LNPK: variants seen among roughly 807,000 people sequenced by gnomAD.
The protein encoded by LNPK is lunapark, ER junction formation factor.
A neutral mutation model predicts 55.2 loss-of-function variants in LNPK; 29 were observed. The ratio of observed to expected loss-of-function variants is 0.53; its 90% CI spans 0.39 to 0.72. The LOEUF (loss-of-function observed/expected upper bound fraction) is 0.72. Among genes scored for constraint, LNPK ranks in the 30% least tolerant of loss-of-function variants. The pLI, the probability that LNPK is intolerant of heterozygous loss-of-function variation, is 0.00. For missense variants in LNPK, 467 were observed against 494.8 expected (o/e 0.94, Z 0.53); for synonymous variants, 162 against 168.2 (o/e 0.96, Z 0.29).
upstream of LNPK, chr2:176,002,766 A>G (rs1400020187): frequency 6.5e-6 from 1 of 152,702 alleles, no homozygotes; most frequent in Admixed American, 6.6e-5. Context: ...CCAGTTCCCA[A>G]CCAAGCCAGT....
At chr2:175,932,699 G>A (rs767679853) in intron 12 of LNPK, among the ~76,000 whole-genome samples, 2 of 152,044 alleles carry the variant, frequency 1.3e-5, no homozygotes, top group South Asian at 2.1e-4. Flanking sequence ...GATTAACAGA[G>A]AATTACATAT....
At chr2:175,949,368 C>T (rs1685294985) in intron 8 of LNPK, among the ~76,000 whole-genome samples, 2 of 152,022 alleles carry the variant, frequency 1.3e-5, no homozygotes, top group Admixed American at 1.3e-4. Context: ...GCAAAAGGTA[C>T]TGAAATCAAT....
chr2:175,936,047 C>T (rs1173610452), intron 12 of LNPK, among the ~76,000 whole-genome samples: 3 of 152,030 alleles, frequency 2.0e-5, no homozygotes, highest in Non-Finnish European at 2.9e-5. Context: ...ATTTTCAGTT[C>T]CAAAAGGCTG....
intron 4 of LNPK, among the ~76,000 whole-genome samples, chr2:175,983,950 T>G (rs1304844435): frequency 2.0e-5 from 3 of 150,780 alleles, no homozygotes; most frequent in African/African-American, 7.3e-5. Context: ...AAAAAAAATT[T>G]AAGGTATAGA....
chr2:175,934,786 A>G (rs1356266375), intron 12 of LNPK, among the ~76,000 whole-genome samples: 1 of 151,712 alleles, frequency 6.6e-6, no homozygotes, highest in Non-Finnish European at 1.5e-5. Flanking sequence ...GTATGCCCTC[A>G]AGCAAAAAGA....
intron 9 of LNPK, among the ~76,000 whole-genome samples, chr2:175,941,372 C>T (rs1300411421): frequency 6.6e-6 from 1 of 151,400 alleles, no homozygotes; most frequent in African/African-American, 2.4e-5. Context: ...TTAAATAATG[C>T]ATATTTTCCA....
At chr2:175,931,225 T>G (rs2105510482) in intron 12 of LNPK, among the ~76,000 whole-genome samples, 1 of 152,298 alleles carries the variant, frequency 6.6e-6, no homozygotes, top group Non-Finnish European at 1.5e-5. Context: ...TCATAGATGA[T>G]TTCTTACGAT....
At chr2:175,944,423 T>C (rs1685019072) in intron 9 of LNPK, among the ~76,000 whole-genome samples, 2 of 151,476 alleles carry the variant, frequency 1.3e-5, no homozygotes, top group South Asian at 4.2e-4. Flanking sequence ...AAATAAAGAG[T>C]TACACATTCA....
Position 175,929,348 on chromosome 2 carries a change from T to C in LNPK, c.*619A>G, listed in dbSNP as rs1684155010. On this transcript the variant is annotated 3_prime_UTR_variant, in exon 13 of 13. Transcript: ENST00000272748. ...CAAAAAGAAACACTGCAGTTGACTGTTTCATTGCATTCTCACTGAGAATTC... is the reference window on the plus strand; with the variant it reads ...CAAAAAGAAACACTGCAGTTGACTGCTTCATTGCATTCTCACTGAGAATTC... 1.0e-6 allele frequency: 1 copy of C among 985,800 alleles called. No individual in the cohort carries two copies. The highest frequency in any genetic ancestry group is 1.2e-6 in the Non-Finnish European group (1 of 829,894). The allele number at this position is 985,800 out of a possible 1,614,324, so 61.1% of individuals were successfully genotyped here.
chr2:175,954,316 C>A (rs946692042), intron 8 of LNPK, among the ~76,000 whole-genome samples: 2 of 152,108 alleles, frequency 1.3e-5, no homozygotes, highest in African/African-American at 4.8e-5. Context: ...GCCTGCTACC[C>A]AACTTATTTA....
intron 8 of LNPK, among the ~76,000 whole-genome samples, chr2:175,963,099 T>C (rs1366892760): frequency 2.7e-5 from 4 of 147,358 alleles, no homozygotes; most frequent in Admixed American, 2.7e-4. Flanking sequence ...ACTTTTACAC[T>C]GTTGGTGGGA....
At chr2:175,933,721 CAAGTT>C (rs1312856141) in intron 12 of LNPK, among the ~76,000 whole-genome samples, 4 of 138,646 alleles carry the variant, frequency 2.9e-5, no homozygotes, top group African/African-American at 5.2e-5. Flanking sequence ...ATCAATTAGA[CAAGTT>C]AAGGGTTTTT....
At chr2:175,991,316 G>T (rs988639442) in intron 4 of LNPK, among the ~76,000 whole-genome samples, 1 of 152,062 alleles carries the variant, frequency 6.6e-6, no homozygotes, top group Non-Finnish European at 1.5e-5. Context: ...CACTACTTCT[G>T]GGATAAAAGC....
intron 5 of LNPK, among the ~76,000 whole-genome samples, chr2:175,975,019 T>C (rs1686845584): frequency 1.3e-5 from 2 of 151,682 alleles, no homozygotes; most frequent in South Asian, 2.1e-4. Context: ...TATTTTTTTT[T>C]TTTTTTTTAC....
At chr2:175,973,281 G>A (rs1686744400) in intron 5 of LNPK, among the ~76,000 whole-genome samples, 1 of 152,128 alleles carries the variant, frequency 6.6e-6, no homozygotes, top group African/African-American at 2.4e-5. Context: ...CTCAAAATAT[G>A]ACAATAAAAC....
chr2:175,979,046 T>TC (rs1281280533), intron 5 of LNPK, among the ~76,000 whole-genome samples: 1 of 152,132 alleles, frequency 6.6e-6, no homozygotes, highest in Non-Finnish European at 1.5e-5. Context: ...CAAATGATAC[T>TC]TATGAGATAA....
At chr2:175,932,205 A>C (rs1476526408) in intron 12 of LNPK, 1 of 454,548 alleles carries the variant, frequency 2.2e-6, no homozygotes, top group African/African-American at 2.0e-5. Flanking sequence ...TGTCATATTA[A>C]AGTTTTGTGA....
intron 4 of LNPK, among the ~76,000 whole-genome samples, chr2:175,990,347 G>A (rs751927075): frequency 2.0e-5 from 3 of 152,174 alleles, no homozygotes; most frequent in Non-Finnish European, 4.4e-5. Context: ...CTCTCACCAA[G>A]TGATCTCTGC....
chr2:175,937,331 A>G lies in LNPK; in HGVS notation c.1054+13T>C. The G allele has an allele frequency of 6.2e-7, 1 of 1,609,206 alleles. No individual in the cohort carries two copies. Among genetic ancestry groups the G allele is most frequent in the African/African-American group, 1.3e-5 (1 of 74,850 alleles). ...ATGTTATTAAGGGGCAAAACTGTTT[A>G]ACATATTCATACCTTCATTAAACTG... On this transcript the variant is annotated intron_variant, in intron 12 of 12. Transcript: ENST00000272748.
Sources: gnomAD v4.1 joint callset for allele counts (sites outside exome capture counted in the v4.1 genomes callset) on GRCh38, gnomAD v4.1.1 for gene constraint, MANE v1.5 for transcripts, NCBI Gene and HGNC (gene_info 2026-07-23, HGNC 2026-07-21) for gene names.